Variants in TTC16 observed in about 807,000 individuals in gnomAD.
TTC16 encodes tetratricopeptide repeat protein 16.
A neutral mutation model predicts 80.4 loss-of-function variants in TTC16; 66 were observed. The observed-to-expected ratio is 0.82, with a 90% CI of 0.67 to 1.01. TTC16 has a LOEUF of 1.01. Among genes scored for constraint, TTC16 ranks in the 50% least tolerant of loss-of-function variants. The pLI is 0.00. For missense variants in TTC16, 1,070 were observed against 1,103.2 expected, an observed-to-expected ratio of 0.97 and a Z score of 0.43; for synonymous variants, 438 against 451.3, an observed-to-expected ratio of 0.97 and a Z score of 0.37.
At position 127,722,742 on chromosome 9, in the gene TTC16, G is replaced by A. The variant is rs994807256; in HGVS notation, c.658-377G>A. Among the ~76,000 whole-genome samples, 2 of 152,082 alleles carry A rather than the reference G, an allele frequency of 1.3e-5. No homozygotes were observed. The highest frequency in any genetic ancestry group is 4.1e-4 in the South Asian group (2 of 4,820). ...AGGCCAAGGTGGGCGGATCACCTAA[G>A]GTCAGGAGTTTGAGACCAGCCTGGC... On this transcript the variant is annotated intron_variant, in intron 6 of 13. Coordinates refer to ENST00000373289, the MANE Select transcript of TTC16 (RefSeq NM_144965.3). The surrounding 1 kb of genome is among the most constrained non-coding windows in gnomAD (Gnocchi z 4.2).
At chr9:127,726,885 T>G (rs895595283) in intron 10 of TTC16, 85 bp from the exon 11 acceptor site, 1 of 1,543,670 alleles carries the variant, frequency 6.5e-7, no homozygotes, top group Non-Finnish European at 8.9e-7. Flanking sequence ...GGGCCAAATC[T>G]GGCTGTGCAG....
In TTC16 at chr9:127,716,216, C is replaced by T. The variant is rs968311263; in HGVS notation, c.18+53C>T. On this transcript the variant is annotated intron_variant, in intron 1 of 13. Coordinates refer to ENST00000373289, the MANE Select transcript of TTC16 (RefSeq NM_144965.3). ...AAGGCAGAGGGCCAGGCAGAGAGAC[C>T]GAGGCTGGGTTCGCAGGAAAGGGTG... 1.7e-5 allele frequency: 27 copies of T among 1,613,140 alleles called. 1 individual carries two copies. In the South Asian group the frequency reaches 2.9e-4, roughly 17 times the overall value.
At position 127,730,876 on chromosome 9, in the gene TTC16, C is replaced by T. The variant is rs1844361342; in HGVS notation, c.2093C>T (p.Thr698Ile). Residue 698 changes from threonine to isoleucine, a missense_variant, in exon 14 of 14, where the codon ACC (threonine) becomes ATC (isoleucine). By Grantham distance (89) the Thr-to-Ile change is moderately conservative (BLOSUM62 -1). Coordinates refer to ENST00000373289, the MANE Select transcript of TTC16 (RefSeq NM_144965.3). ...TQSQRRNSSKTKATIHKRNSS... is the reference protein window; with the variant it reads ...TQSQRRNSSKIKATIHKRNSS... The stretch of plus-strand genomic sequence containing the variant: ...AGCCAGAGGCGGAACTCCAGCAAGA[C>T]CAAGGCCACTATACACAAGAGGAAC... 1 of 1,611,810 alleles carries T rather than the reference C, an allele frequency of 6.2e-7. No individual in the cohort carries two copies. Among genetic ancestry groups the T allele is most frequent in the Non-Finnish European group, 8.5e-7 (1 of 1,179,556 alleles).
At chr9:127,724,420 T>C in intron 8 of TTC16, 56 bp downstream of exon 8, 1 of 1,594,426 alleles carries the variant, frequency 6.3e-7, no homozygotes, top group Non-Finnish European at 8.6e-7. Flanking sequence ...TCGCCATCTC[T>C]AAGGCCCCCA....
At chr9:127,724,650 A>C in intron 8 of TTC16, 106 bp from the exon 9 acceptor site, 1 of 1,444,222 alleles carries the variant, frequency 6.9e-7, no homozygotes, top group Non-Finnish European at 9.2e-7. Context: ...GCGGGGGGTT[A>C]TCAGCCACCA....
chr9:127,731,044 G>C lies in TTC16; in HGVS notation c.2261G>C (p.Gly754Ala), dbSNP rs1266072852. Residue 754 changes from glycine (G) to alanine (A), a missense_variant, in exon 14 of 14, where the codon GGC becomes GCC. Transcript: ENST00000373289. ...QSSSEIEATQ[G>A]PRQEPSKTKT... ...TCCAGCGAGATTGAGGCCACCCAGG[G>C]CCCAAGGCAGGAGCCCAGCAAGACC... 1 of 1,612,852 alleles carries C rather than the reference G, an allele frequency of 6.2e-7. No individual in the cohort carries two copies. The highest frequency in any genetic ancestry group is 2.2e-5 in the East Asian group (1 of 44,868).
rs750605174 is a variant in TTC16, at chr9:127,726,428, T to C, written c.1425+24T>C. On this transcript the variant is annotated intron_variant, in intron 10 of 13. Transcript: ENST00000373289. ...AGGTAGGTTCCTGCCACGTCAGGAG[T>C]GTAGGCTCCGGAGTCATGCCCGGTG... 5 of 1,563,828 alleles carry C rather than the reference T, an allele frequency of 3.2e-6. No homozygotes were observed. In the South Asian group the frequency reaches 5.8e-5, roughly 18 times the overall value.
chr9:127,725,201 G>C (rs1588446727), intron 9 of TTC16, among the ~76,000 whole-genome samples: 1 of 152,156 alleles, frequency 6.6e-6, no homozygotes, highest in South Asian at 2.1e-4. Context: ...TTGAGCCAGG[G>C]AGGCGGAGCT....
At position 127,724,358 on chromosome 9, in the gene TTC16, C is replaced by G; in HGVS notation, c.1111C>G (p.Arg371Gly). 5 of 1,606,868 alleles carry G rather than the reference C, an allele frequency of 3.1e-6. No individual in the cohort carries two copies. The African/African-American group carries it at 6.7e-5, about 21-fold the overall frequency. Residue 371 changes from arginine to glycine, a missense_variant, in exon 8 of 14, where the codon CGA becomes GGA. Arg to Gly is a moderately radical substitution (Grantham distance 125). Coordinates refer to ENST00000373289, the MANE Select transcript of TTC16 (RefSeq NM_144965.3). ...GCAGGAGAAAGGACTCTACATCAAC[C>G]GAGGCGGTGCGCAGCGACCAGGGCA... ...EQQEKGLYIN[R>G]GDCFFQLGNL...
Position 127,718,901 on chromosome 9 carries a change from T to C in TTC16, c.426+1129T>C, listed in dbSNP as rs1158393261. 6.6e-6 allele frequency among the ~76,000 whole-genome samples: 1 copy of C among 151,354 alleles called. No homozygotes were observed. The highest frequency in any genetic ancestry group is 1.5e-5 in the Non-Finnish European group (1 of 67,838). ...GCTACTGCGCCTGGGCTTGATGTCT[T>C]TTCTTTATGTCAAAAAATATTCAGT... On this transcript the variant is annotated intron_variant, in intron 4 of 13. Transcript: ENST00000373289. The surrounding 1 kb of genome is among the most constrained non-coding windows in gnomAD (Gnocchi z 4.6).
Position 127,723,148 on chromosome 9 carries a change from C to A in TTC16, c.687C>A (p.Ser229Arg). 2 of 1,612,378 alleles carry A rather than the reference C, an allele frequency of 1.2e-6. No individual in the cohort carries two copies. Among genetic ancestry groups the A allele is most frequent in the Non-Finnish European group, 1.7e-6 (2 of 1,180,014 alleles). Residue 229 changes from serine (S) to arginine (R), a missense_variant, in exon 7 of 14, where the codon AGC becomes AGA. Physicochemically the swap from Ser to Arg is moderately radical, Grantham distance 110 (BLOSUM62 -1). Transcript: ENST00000373289. The stretch of plus-strand genomic sequence containing the variant: ...ACCTCTGCTACCGGGACCTGCACAG[C>A]GCCTTGCTGTTGAATCCCAAGCACC... Reference protein sequence around the residue: ...KPHLCYRDLHSALLLNPKHPQ... With the variant: ...KPHLCYRDLHRALLLNPKHPQ...
chr9:127,727,628 G>C lies in TTC16; in HGVS notation c.1764+163G>C, dbSNP rs541739909. On this transcript the variant is annotated intron_variant, in intron 12 of 13. Transcript: ENST00000373289. ...TGGGGACATCTTGCTATGAGATGGG[G>C]ATGGTACCAGCAAGGGGTGCTCCTG... 9.5e-4 allele frequency: 1,312 copies of C among 1,378,216 alleles called. 7 individuals carry two copies. Among genetic ancestry groups the C allele is most frequent in the Non-Finnish European group, 1.2e-3 (1,248 of 1,057,174 alleles). 85.4% of individuals were successfully genotyped at this position (1,378,216 alleles called of 1,614,324 possible). A position where few individuals can be genotyped will look rare whatever the true frequency, so the allele number is the denominator to read the frequency against.
At chr9:127,727,743 C>T (rs1176178848) in intron 12 of TTC16, 2 of 426,316 alleles carry the variant, frequency 4.7e-6, no homozygotes, top group African/African-American at 2.0e-5. Flanking sequence ...TAGGCACTAG[C>T]CACTTGCCAC....
chr9:127,723,317 A>G lies in TTC16; in HGVS notation c.856A>G (p.Ser286Gly). ...RAIENNPLDP[S>G]LFLFRGTMYR... ...CATCGAGAACAACCCTCTGGACCCC[A>G]GTCTCTTCCTCTTCCGGTACTGCAT... The change falls in exon 7 of 14, where the codon AGT (serine) becomes GGT (glycine). Residue 286 changes from serine (S) to glycine (G), a missense_variant. Transcript: ENST00000373289. 6.2e-7 allele frequency: 1 copy of G among 1,612,596 alleles called. No individual in the cohort carries two copies. The highest frequency in any genetic ancestry group is 1.3e-5 in the African/African-American group (1 of 74,988).
At position 127,724,796 on chromosome 9, in the gene TTC16, G is replaced by A. The variant is rs201375855; in HGVS notation, c.1158G>A (p.Ala386=). 3.7e-6 allele frequency: 6 copies of A among 1,610,406 alleles called. No homozygotes were observed. Among genetic ancestry groups the A allele is most frequent in the African/African-American group, 1.3e-5 (1 of 74,916 alleles). ...FQLGNLAFAE[A]DYQQALALSP... is the part of the protein sequence containing the mutation. ...TGGGCAACCTGGCCTTTGCCGAGGC[G>A]GACTACCAGCAGGCGCTGGCGCTGA... Residue 386 remains alanine, a synonymous_variant, in exon 9 of 14, where the codon GCG becomes GCA. Transcript: ENST00000373289.
In TTC16 at chr9:127,726,260, C is replaced by A. The variant is rs1399748583; in HGVS notation, c.1281C>A (p.Asn427Lys). The A allele has an allele frequency of 2.5e-6, 4 of 1,597,854 alleles. No individual in the cohort carries two copies. The highest frequency in any genetic ancestry group is 1.7e-5 in the Admixed American group (1 of 58,924). ...GCAGGCAGTTCCAGAAGGCAGAGAA[C>A]CACTTCTCCACGGCCATCCGGCACA... Reference protein sequence around the residue: ...QRRKQFQKAENHFSTAIRHNP... With the variant: ...QRRKQFQKAEKHFSTAIRHNP... The change falls in exon 10 of 14, where the codon AAC (asparagine) becomes AAA (lysine). Residue 427 changes from asparagine to lysine, a missense_variant. Transcript: ENST00000373289.
chr9:127,720,115 C>G lies in TTC16; in HGVS notation c.464C>G (p.Ala155Gly). 6.2e-7 allele frequency: 1 copy of G among 1,613,900 alleles called. No individual in the cohort carries two copies. Among genetic ancestry groups the G allele is most frequent in the Non-Finnish European group, 8.5e-7 (1 of 1,180,008 alleles). Residue 155 changes from alanine (A) to glycine (G), a missense_variant, in exon 5 of 14, where the codon GCC becomes GGC. Physicochemically the swap from Ala to Gly is moderately conservative, Grantham distance 60. Transcript: ENST00000373289. ...TTTGAGCAGTGTGCCTTCCTGGATG[C>G]CCTGAATGTCTTCTCACATGCTGCT... ...CLFEQCAFLD[A>G]LNVFSHAAEL...
At chr9:127,719,028 T>C (rs547147171) in intron 4 of TTC16, among the ~76,000 whole-genome samples, 1 of 151,624 alleles carries the variant, frequency 6.6e-6, no homozygotes, top group African/African-American at 2.4e-5. Context: ...CTGGCCAACA[T>C]GGTGAAACCT....
chr9:127,731,135 A>G lies in TTC16; in HGVS notation c.2352A>G (p.Arg784=). Residue 784 remains arginine (R), a synonymous_variant, in exon 14 of 14, where the codon AGA becomes AGG. Coordinates refer to ENST00000373289, the MANE Select transcript of TTC16 (RefSeq NM_144965.3). ...AGGCTGCTCGTGGCCGGAGCTGGAG[A>G]CCCAGCAAGGTTGATGCCACCCAGG... The part of the protein sequence containing the change: ...KVKAARGRSW[R]PSKVDATQGR... The G allele has an allele frequency of 6.2e-7, 1 of 1,611,174 alleles. No individual in the cohort carries two copies. The highest frequency in any genetic ancestry group is 2.2e-5 in the East Asian group (1 of 44,774).
Sources: gnomAD v4.1 joint callset for allele counts (sites outside exome capture counted in the v4.1 genomes callset) on GRCh38, gnomAD v4.1.1 for gene constraint, Gnocchi (gnomAD v3.1) non-coding constraint, MANE v1.5 for transcripts, NCBI Gene and HGNC (gene_info 2026-07-23, HGNC 2026-07-21) for gene names.